IFT74: variants seen among roughly 807,000 people sequenced by gnomAD.
The protein encoded by IFT74 is intraflagellar transport 74.
IFT74 carries 92 observed loss-of-function variants against 96.7 expected under a neutral mutation model. The observed-to-expected ratio is 0.95, with a 90% confidence interval of 0.80 to 1.13. The LOEUF is 1.13. IFT74 is among the 50% of genes most tolerant of loss of function. The probability of loss-of-function intolerance (pLI) is 0.00; values close to 1 mark genes in which losing one functional copy is unlikely to be tolerated. For missense variants in IFT74, 811 were observed against 698.2 expected (o/e 1.16, Z -1.82); for synonymous variants, 223 against 213.2 (o/e 1.05, Z -0.40).
At chr9:27,029,176 C>T in intron 13 of IFT74, 72 bp downstream of exon 13, 1 of 1,143,294 alleles carries the variant, frequency 8.7e-7, no homozygotes, top group Non-Finnish European at 1.2e-6. Flanking sequence ...TAACTGGTGT[C>T]TCAGAGACTG....
intron 12 of IFT74, among the ~76,000 whole-genome samples, chr9:27,023,540 C>A (rs1443789380): frequency 6.6e-6 from 1 of 152,036 alleles, no homozygotes; most frequent in East Asian, 1.9e-4. Flanking sequence ...TTTTGATATG[C>A]TGCTGGATTT....
intron 13 of IFT74, among the ~76,000 whole-genome samples, chr9:27,035,879 A>G (rs1819156888): frequency 2.0e-5 from 3 of 152,210 alleles, no homozygotes; most frequent in Admixed American, 2.0e-4. Context: ...AATGTAGTTG[A>G]CCCTTCAAGA....
Position 27,062,759 on chromosome 9 carries a change from T to A in IFT74, c.*23T>A. On this transcript the variant is annotated 3_prime_UTR_variant, in exon 20 of 20. Coordinates refer to ENST00000380062, the MANE Select transcript of IFT74 (RefSeq NM_025103.4). ...TGAGTTTAAGTCCACTGAAAGTCTC[T>A]AAGGAAGTATCCTCTTGCTGCTAAA... is the stretch of plus-strand genomic sequence containing the variant. 1 of 1,228,504 alleles carries A rather than the reference T, an allele frequency of 8.1e-7. No homozygotes were observed. The highest frequency in any genetic ancestry group is 1.2e-6 in the Non-Finnish European group (1 of 845,972). 76.1% of individuals were successfully genotyped at this position (1,228,504 alleles called of 1,614,324 possible).
intron 2 of IFT74, chr9:26,976,773 T>A: frequency 2.2e-6 from 1 of 456,120 alleles, no homozygotes. Context: ...TTTTATATCT[T>A]CTCATGCCTG....
At chr9:27,010,681 CA>C (rs1829022108) in intron 9 of IFT74, among the ~76,000 whole-genome samples, 10 of 150,540 alleles carry the variant, frequency 6.6e-5, no homozygotes, top group African/African-American at 2.2e-4. Flanking sequence ...TTAGTAGAGA[CA>C]GTGTTTCACC....
At chr9:26,953,961 G>A (rs1218950326), upstream of IFT74, among the ~76,000 whole-genome samples, 5 of 152,228 alleles carry the variant, frequency 3.3e-5, no homozygotes, top group Middle Eastern at 3.4e-3. Flanking sequence ...GGGCCTTATT[G>A]CCCTTGACTC....
intron 2 of IFT74, among the ~76,000 whole-genome samples, chr9:26,973,155 A>G (rs1303956742): frequency 6.6e-6 from 1 of 152,186 alleles, no homozygotes; most frequent in Non-Finnish European, 1.5e-5. Flanking sequence ...CATCCTTCAA[A>G]TCTATTACTG....
chr9:26,975,478 C>T (rs371031197), intron 2 of IFT74, among the ~76,000 whole-genome samples: 1 of 152,148 alleles, frequency 6.6e-6, no homozygotes, highest in African/African-American at 2.4e-5. Context: ...AATATTGTAT[C>T]ATTTGCTCTT....
At chr9:26,986,134 TA>T (rs1827622317) in intron 6 of IFT74, among the ~76,000 whole-genome samples, 1 of 150,888 alleles carries the variant, frequency 6.6e-6, no homozygotes, top group Non-Finnish European at 1.5e-5. Context: ...CTACCCTTAT[TA>T]AGAAATAGTG....
chr9:26,978,649 AT>A (rs1827228802), intron 3 of IFT74, among the ~76,000 whole-genome samples: 1 of 152,180 alleles, frequency 6.6e-6, no homozygotes, highest in African/African-American at 2.4e-5. Context: ...TGAAAATTAG[AT>A]TTTTGGTACT....
At position 27,060,596 on chromosome 9, in the gene IFT74, A is replaced by C; in HGVS notation, c.1629A>C (p.Thr543=). The C allele has an allele frequency of 6.3e-7, 1 of 1,589,620 alleles. No homozygotes were observed. Among genetic ancestry groups the C allele is most frequent in the South Asian group, 1.1e-5 (1 of 88,218 alleles). Residue 543 remains threonine, a synonymous_variant, in exon 19 of 20, where the codon ACA becomes ACC. Transcript: ENST00000380062. ...LQENETHSQL[T]NLERKWQHLE... ...TTTTTCTTTTATGTTTTTAGCTTAC[A>C]AATTTGGAGAGAAAGTGGCAACACC...
rs896257113 is a variant in IFT74 at position 26,988,046 on chromosome 9, G to A, written c.466-623G>A. On this transcript the variant is annotated intron_variant, in intron 6 of 19. Transcript: ENST00000380062. ...CGGCTCACCGCAACCTCTGCTTCCC[G>A]GGTTCAAGCGATTCTCCTGCCTCAG... is the stretch of plus-strand genomic sequence containing the variant. Among the ~76,000 whole-genome samples, 5 of 151,934 alleles carry A rather than the reference G, an allele frequency of 3.3e-5. 1 individual carries two copies.
At chr9:27,011,773 G>T in intron 9 of IFT74, 133 bp from the exon 10 acceptor site, 1 of 392,894 alleles carries the variant, frequency 2.5e-6, no homozygotes. Context: ...AAGATATTTA[G>T]AAAATTTACT....
intron 8 of IFT74, among the ~76,000 whole-genome samples, chr9:27,001,241 C>G (rs1456089557): frequency 1.3e-5 from 2 of 151,932 alleles, no homozygotes; most frequent in Non-Finnish European, 2.9e-5. Flanking sequence ...TAGTTTTGCT[C>G]TTGTGAATAG....
intron 13 of IFT74, among the ~76,000 whole-genome samples, chr9:27,040,640 A>G (rs1008108029): frequency 2.6e-5 from 4 of 151,754 alleles, no homozygotes; most frequent in Admixed American, 6.6e-5. Flanking sequence ...TGGCTGTGCA[A>G]AAGTCCTGTG....
intron 9 of IFT74, 120 bp downstream of exon 9, chr9:27,009,278 A>G: frequency 1.2e-6 from 1 of 822,376 alleles, no homozygotes; most frequent in Non-Finnish European, 1.9e-6. Flanking sequence ...ATCAGTTTTC[A>G]TTTTAACAAG....
At chr9:27,021,163 A>G (rs1158133296) in intron 12 of IFT74, among the ~76,000 whole-genome samples, 1 of 152,032 alleles carries the variant, frequency 6.6e-6, no homozygotes, top group Non-Finnish European at 1.5e-5. Context: ...GTATAAATAT[A>G]TATGTATGTA....
intron 13 of IFT74, among the ~76,000 whole-genome samples, chr9:27,042,675 T>C (rs1366802723): frequency 6.6e-6 from 1 of 152,176 alleles, no homozygotes; most frequent in Non-Finnish European, 1.5e-5. Context: ...TAAATCCTTG[T>C]AAAGTCTAGG....
At chr9:26,996,933 G>A (rs1227987816) in intron 8 of IFT74, among the ~76,000 whole-genome samples, 5 of 152,104 alleles carry the variant, frequency 3.3e-5, no homozygotes, top group African/African-American at 9.7e-5. Context: ...ATTTCTGGCC[G>A]GGCGCAGAGG....
Sources: allele counts gnomAD v4.1 joint callset (sites outside exome capture counted in the v4.1 genomes callset), GRCh38; gene constraint gnomAD v4.1.1; transcripts MANE v1.5; gene names NCBI Gene and HGNC (gene_info 2026-07-23, HGNC 2026-07-21).